Variants in MISFA observed in about 807,000 individuals in gnomAD.
The protein encoded by MISFA is mitochondrial sheath formation associated.
At chr11:18,605,866 C>T in the MISFA span, among the ~76,000 whole-genome samples, 55 of 152,208 alleles carry the variant, frequency 3.6e-4, no homozygotes, top group South Asian at 1.0e-2. Context: ...TTAGTAGAGA[C>T]GGAGTTTTGC....
chr11:18,602,142 A>G, the MISFA span: 1 of 152,198 alleles, frequency 6.6e-6, no homozygotes, highest in Non-Finnish European at 1.5e-5. Context: ...TGCCTACAGG[A>G]AACACTAATG....
At chr11:18,607,682 CAA>C in the MISFA span, 1 of 152,356 alleles carries the variant, frequency 6.6e-6, no homozygotes, top group Non-Finnish European at 1.5e-5. Context: ...GATTTGGAAA[CAA>C]GGCCAAAATT....
At chr11:18,605,146 G>A in the MISFA span, among the ~76,000 whole-genome samples, 1 of 152,092 alleles carries the variant, frequency 6.6e-6, no homozygotes, top group African/African-American at 2.4e-5. Flanking sequence ...GGGAGGCTGA[G>A]GCAGAATTGC....
At chr11:18,605,205 A>G in the MISFA span, among the ~76,000 whole-genome samples, 1 of 151,754 alleles carries the variant, frequency 6.6e-6, no homozygotes, top group Non-Finnish European at 1.5e-5. Context: ...GCACCACTGC[A>G]CTCCAGCCTG....
chr11:18,604,355 G>T, the MISFA span, among the ~76,000 whole-genome samples: 1 of 151,966 alleles, frequency 6.6e-6, no homozygotes, highest in African/African-American at 2.4e-5. Flanking sequence ...TCTAAGACTG[G>T]CATTAAGATA....
At chr11:18,601,040 C>A in the MISFA span, 1 of 398,576 alleles carries the variant, frequency 2.5e-6, no homozygotes, top group Admixed American at 4.4e-5. Flanking sequence ...TGGTTACCCA[C>A]TGGGCCAATG....
chr11:18,605,459 A>G, the MISFA span, among the ~76,000 whole-genome samples: 1 of 152,220 alleles, frequency 6.6e-6, no homozygotes, highest in Admixed American at 6.5e-5. Flanking sequence ...GTTTACATAG[A>G]AAACATTTTG....
the MISFA span, chr11:18,606,885 G>A: frequency 2.8e-6 from 1 of 352,108 alleles, no homozygotes; most frequent in Non-Finnish European, 5.3e-6. Flanking sequence ...TTTTGACATG[G>A]AGTCTCGCTC....
chr11:18,605,071 C>T, the MISFA span, among the ~76,000 whole-genome samples: 4 of 151,994 alleles, frequency 2.6e-5, no homozygotes, highest in East Asian at 5.8e-4. Context: ...GGTGAAACCC[C>T]GTATCTACTA....
At chr11:18,608,062 G>A in the MISFA span, 1 of 152,586 alleles carries the variant, frequency 6.6e-6, no homozygotes, top group African/African-American at 2.4e-5. Context: ...AGGAATTGAT[G>A]TTCTAAGCCT....
chr11:18,603,042 G>A, the MISFA span: 2 of 398,244 alleles, frequency 5.0e-6, no homozygotes, highest in East Asian at 3.6e-5. Context: ...GGATTCCTAC[G>A]ACTCAGGGAA....
chr11:18,608,959 G>A, the MISFA span: 1 of 149,644 alleles, frequency 6.7e-6, no homozygotes, highest in Non-Finnish European at 1.5e-5. Context: ...GGCACCTTGG[G>A]ATTTCAAAAT....
chr11:18,599,861 T>C, the MISFA span: 1 of 398,514 alleles, frequency 2.5e-6, no homozygotes, highest in East Asian at 3.6e-5. Context: ...GCGCACTCCT[T>C]TGCCAAGATC....
At chr11:18,603,961 G>C in the MISFA span, 9 of 300,710 alleles carry the variant, frequency 3.0e-5, no homozygotes, top group African/African-American at 2.0e-4. Context: ...GAGTCTCGCT[G>C]TGTCGCCCAG....
chr11:18,604,101 T>G, the MISFA span, among the ~76,000 whole-genome samples: 1 of 151,838 alleles, frequency 6.6e-6, no homozygotes, highest in Non-Finnish European at 1.5e-5. Context: ...TATTTTTTTG[T>G]GTTTTTAGTA....
At chr11:18,608,754 A>G in the MISFA span, 7 of 152,618 alleles carry the variant, frequency 4.6e-5, no homozygotes, top group African/African-American at 1.2e-4. Context: ...TAAAATAACG[A>G]TAACAGGGAA....
At chr11:18,602,488 C>T in the MISFA span, 1 of 152,750 alleles carries the variant, frequency 6.5e-6, no homozygotes, top group East Asian at 1.9e-4. Flanking sequence ...CTCACTTTCT[C>T]CAGCTGCGAA....
At chr11:18,606,205 T>G in the MISFA span, among the ~76,000 whole-genome samples, 1 of 152,064 alleles carries the variant, frequency 6.6e-6, no homozygotes, top group Non-Finnish European at 1.5e-5. Flanking sequence ...TCTAAGCTGG[T>G]AGGGGGAGAG....
the MISFA span, chr11:18,603,236 A>G: frequency 5.0e-6 from 2 of 398,926 alleles, no homozygotes; most frequent in African/African-American, 2.1e-5. Context: ...CCTACTTTGA[A>G]ATGTATTCCC....
Sources: gnomAD v4.1 joint callset for allele counts (sites outside exome capture counted in the v4.1 genomes callset) on GRCh38, gnomAD v4.1.1 for gene constraint, MANE v1.5 for transcripts, NCBI Gene and HGNC (gene_info 2026-07-23, HGNC 2026-07-21) for gene names.